Variants in ZNF846 observed in about 807,000 individuals in gnomAD.
ZNF846 encodes zinc finger protein 846.
A neutral mutation model predicts 16.0 loss-of-function variants in ZNF846; 15 were observed. The observed-to-expected ratio is 0.94, with a 90% CI of 0.63 to 1.45. The LOEUF (loss-of-function observed/expected upper bound fraction) is 1.45, where lower values mean the gene tolerates loss of function less well. Ranked by LOEUF, ZNF846 falls within the 40% of genes most tolerant of loss-of-function variation. The pLI is 0.00. For synonymous variants in ZNF846, 229 were observed against 212.0 expected (o/e 1.08, Z -0.70); for missense variants, 714 against 622.3 (o/e 1.15, Z -1.57).
At chr19:9,781,223 C>A (rs1568331121) in intron 1 of ZNF846, among the ~76,000 whole-genome samples, 1 of 152,072 alleles carries the variant, frequency 6.6e-6, no homozygotes, top group South Asian at 2.1e-4. Context: ...CCTCCCAGGT[C>A]CAAGCGAATT....
chr19:9,765,007 A>G (rs768068324), exon 2 of ZNF846: 11 of 1,595,750 alleles, frequency 6.9e-6, no homozygotes, highest in Non-Finnish European at 8.6e-6. Context: ...TCCTGTCATG[A>G]AGACAGAAAG....
In ZNF846 at chr19:9,774,385, G is replaced by T. The variant is rs913810521; in HGVS notation, c.-85-9350C>A. ...CGGGAGGCTGAGGCAGGAGAATGGC[G>T]TGAACCCGGGAGGTGGAGCTTGCAG... On this transcript the variant is annotated intron_variant, in intron 1 of 4. Transcript: ENST00000586814. 3 of 531,574 alleles carry T rather than the reference G, an allele frequency of 5.6e-6. No homozygotes were observed. The East Asian group carries it at 1.1e-4, about 19-fold the overall frequency. 32.9% of individuals were successfully genotyped at this position (531,574 alleles called of 1,614,324 possible). A position where few individuals can be genotyped will look rare whatever the true frequency, so the allele number is the denominator to read the frequency against.
chr19:9,757,688 TG>T lies in ZNF846; in HGVS notation c.1388del (p.Thr463LysfsTer63), dbSNP rs1422753479. ...GCGTTCGCATGTGCATATTAAGATT[TG>T]TGGAACGAGCAAATGCTTTACCGCA... On this transcript the variant is annotated frameshift_variant, in exon 6 of 6. Coordinates refer to ENST00000397902, the Ensembl canonical transcript of ZNF846. LOFTEE classifies it low-confidence loss of function (END_TRUNC). The T allele has an allele frequency of 6.2e-7, 1 of 1,613,534 alleles. No individual in the cohort carries two copies.
exon 6 of ZNF846, chr19:9,758,472 T>C: frequency 6.2e-7 from 1 of 1,613,538 alleles, no homozygotes; most frequent in Non-Finnish European, 8.5e-7. Flanking sequence ...TCTCCAACAG[T>C]CTTTGCATTC....
At chr19:9,774,115 C>T (rs2045412557) in intron 1 of ZNF846, among the ~76,000 whole-genome samples, 1 of 152,128 alleles carries the variant, frequency 6.6e-6, no homozygotes, top group African/African-American at 2.4e-5. Context: ...ATTCCTTGTT[C>T]TTCTATAAGA....
intron 1 of ZNF846, among the ~76,000 whole-genome samples, chr19:9,779,346 G>A (rs970359744): frequency 3.3e-5 from 5 of 152,012 alleles, no homozygotes; most frequent in African/African-American, 1.2e-4. Flanking sequence ...ATGGCTTACC[G>A]CAACCTCCGC....
chr19:9,749,879 C>T (rs959016012), downstream of ZNF846, among the ~76,000 whole-genome samples: 15 of 152,076 alleles, frequency 9.9e-5, no homozygotes, highest in African/African-American at 2.2e-4. Context: ...CCAGAGATTT[C>T]GCATTAAAAA....
upstream of ZNF846, among the ~76,000 whole-genome samples, chr19:9,772,559 C>T (rs1053352339): frequency 4.0e-5 from 6 of 150,484 alleles, no homozygotes; most frequent in East Asian, 2.0e-4. Context: ...GAGATCATAC[C>T]GTTGCACTCC....
At chr19:9,757,349 T>C (rs2045147562), downstream of ZNF846, 2 of 749,554 alleles carry the variant, frequency 2.7e-6, no homozygotes, top group Non-Finnish European at 4.3e-6. Flanking sequence ...GGGACTTGTG[T>C]CCATGTTAAA....
At chr19:9,778,171 G>A (rs1176119614) in intron 1 of ZNF846, among the ~76,000 whole-genome samples, 1 of 151,956 alleles carries the variant, frequency 6.6e-6, no homozygotes, top group Non-Finnish European at 1.5e-5. Flanking sequence ...AGAACTAAAG[G>A]AAGACATGGA....
exon 4 of ZNF846, chr19:9,762,094 C>T (rs371737578): frequency 1.2e-6 from 2 of 1,613,870 alleles, no homozygotes; most frequent in Non-Finnish European, 1.7e-6. Context: ...TGCAGAACTC[C>T]TGTCACTCCT....
intron 5 of ZNF846, among the ~76,000 whole-genome samples, chr19:9,759,530 G>C (rs1225369202): frequency 6.6e-6 from 1 of 151,672 alleles, no homozygotes; most frequent in Non-Finnish European, 1.5e-5. Flanking sequence ...TTGAGCCCAG[G>C]AAACAGAGGT....
downstream of ZNF846, among the ~76,000 whole-genome samples, chr19:9,754,564 T>TAAAAAAAAAA (rs545236944): frequency 7.9e-5 from 7 of 88,690 alleles, no homozygotes; most frequent in African/African-American, 2.6e-4. Context: ...GACTCTGTCT[T>TAAAAAAAAAA]AAAAAAAAAA....
chr19:9,761,071 C>T lies in ZNF846; in HGVS notation c.229+1011G>A, dbSNP rs148717345. Among the ~76,000 whole-genome samples, 380 of 148,724 alleles carry T rather than the reference C, an allele frequency of 2.6e-3. 17 individuals are homozygous for T. The highest frequency in any genetic ancestry group is 9.3e-3 in the African/African-American group (354 of 38,236). The stretch of plus-strand genomic sequence containing the variant: ...AAAATTCACCAGGCATGGTGGCGCA[C>T]GCCTGTAGTCCCAACTACTCAGAAG... On this transcript the variant is annotated intron_variant, in intron 4 of 5. Transcript: ENST00000397902.
chr19:9,782,648 G>A (rs2045513480), intron 1 of ZNF846, among the ~76,000 whole-genome samples: 1 of 152,096 alleles, frequency 6.6e-6, no homozygotes, highest in Non-Finnish European at 1.5e-5. Context: ...GCACCACCAG[G>A]GGAAGAAAGC....
At chr19:9,754,589 C>CAAAAAAAAAAAAAAAAAAAAAAA (rs1203086590), downstream of ZNF846, among the ~76,000 whole-genome samples, 16 of 104,026 alleles carry the variant, frequency 1.5e-4, no homozygotes, top group East Asian at 4.7e-4. Flanking sequence ...AAAAAAAAAG[C>CAAAAAAAAAAAAAAAAAAAAAAA]AAAGGGCAAC....
downstream of ZNF846, among the ~76,000 whole-genome samples, chr19:9,755,324 G>T (rs147927056): frequency 3.0e-4 from 46 of 151,568 alleles, no homozygotes; most frequent in Middle Eastern, 3.4e-3. Context: ...ATGACAAGTC[G>T]TCATGGACAG....
At chr19:9,753,402 G>C (rs889217295), downstream of ZNF846, among the ~76,000 whole-genome samples, 4 of 148,402 alleles carry the variant, frequency 2.7e-5, no homozygotes, top group Non-Finnish European at 5.9e-5. Flanking sequence ...CAGGCACCCA[G>C]CACCACACTG....
At chr19:9,756,343 GTGTATATATATATATATA>G (rs974628746), downstream of ZNF846, 9 of 71,192 alleles carry the variant, frequency 1.3e-4, no homozygotes, top group East Asian at 4.0e-4. Context: ...GTGTGTGTGT[GTGTATATATATATATATA>G]TATATATATA....
Sources: allele counts gnomAD v4.1 joint callset (sites outside exome capture counted in the v4.1 genomes callset), GRCh38; gene constraint gnomAD v4.1.1; transcripts MANE v1.5; gene names NCBI Gene and HGNC (gene_info 2026-07-23, HGNC 2026-07-21).